The following PLCB1 variants were observed in gnomAD, a reference collection of about 807,000 sequenced individuals.
PLCB1 encodes the protein phospholipase C beta 1, also known as 1-phosphatidylinositol 4,5-bisphosphate phosphodiesterase beta-1.
PLCB1 carries 46 observed loss-of-function variants against 161.8 expected under a neutral mutation model. That is an observed-to-expected ratio of 0.28 (90% CI 0.22 to 0.36). PLCB1 has a LOEUF of 0.36. Among genes scored for constraint, PLCB1 ranks in the 10% least tolerant of loss-of-function variants. The pLI, the probability that PLCB1 is intolerant of heterozygous loss-of-function variation, is 1.00. For missense variants in PLCB1, 1,016 were observed against 1,472.5 expected, an observed-to-expected ratio of 0.69 and a Z score of 5.07; for synonymous variants, 517 against 503.7, an observed-to-expected ratio of 1.03 and a Z score of -0.35.
At chr20:8,186,248 T>A (rs1338995710) in intron 2 of PLCB1, among the ~76,000 whole-genome samples, 1 of 152,210 alleles carries the variant, frequency 6.6e-6, no homozygotes, top group Admixed American at 6.5e-5. Context: ...CTCAGGGAAG[T>A]GTTTTACATC....
Position 8,884,527 on chromosome 20 carries a change from A to T in PLCB1, c.*2678A>T, listed in dbSNP as rs910070594. 1.3e-5 allele frequency: 2 copies of T among 152,552 alleles called. No individual in the cohort carries two copies. Among genetic ancestry groups the T allele is most frequent in the African/African-American group, 2.4e-5 (1 of 41,422 alleles). 9.4% of individuals were successfully genotyped at this position (152,552 alleles called of 1,614,324 possible). A position where few individuals can be genotyped will look rare whatever the true frequency, so the allele number is the denominator to read the frequency against. On this transcript the variant is annotated 3_prime_UTR_variant, in exon 32 of 32. Coordinates refer to ENST00000338037, the MANE Select transcript of PLCB1 (RefSeq NM_015192.4). ...TTTTGGTTTTTTATATTTCATTTTA[A>T]AATTTGAGTATCACCATACATTAAT...
intron 1 of PLCB1, among the ~76,000 whole-genome samples, chr20:8,133,513 C>T (rs1368475495): frequency 6.6e-6 from 1 of 152,156 alleles, no homozygotes; most frequent in African/African-American, 2.4e-5. Context: ...CACCGTTTGC[C>T]AGGTAGGGCA....
intron 2 of PLCB1, among the ~76,000 whole-genome samples, chr20:8,214,399 T>A (rs898586387): frequency 2.0e-5 from 3 of 152,110 alleles, no homozygotes; most frequent in African/African-American, 7.2e-5. Context: ...TGGCTCTTTC[T>A]CTTTTGCTCC....
rs186900927 is a variant in PLCB1 at position 8,721,646 on chromosome 20, G to A, written c.1514-708G>A. ...TTTAAGGACTTACCCATGTTATCCT[G>A]CCCTCTTAAAAATAATATCAGCATT... On this transcript the variant is annotated intron_variant, in intron 14 of 31. Coordinates refer to ENST00000338037, the MANE Select transcript of PLCB1 (RefSeq NM_015192.4). 3.3e-5 allele frequency among the ~76,000 whole-genome samples: 5 copies of A among 152,272 alleles called. No homozygotes were observed. The East Asian group carries it at 9.7e-4, about 29-fold the overall frequency.
chr20:8,230,753 G>A (rs1031827774), intron 2 of PLCB1, among the ~76,000 whole-genome samples: 1 of 152,062 alleles, frequency 6.6e-6, no homozygotes, highest in African/African-American at 2.4e-5. Context: ...GCATGTGGCT[G>A]GTAGCTACTG....
At chr20:8,230,056 C>CAAAAAAAAAAAA (rs547874616) in intron 2 of PLCB1, among the ~76,000 whole-genome samples, 14 of 58,876 alleles carry the variant, frequency 2.4e-4, no homozygotes, top group African/African-American at 4.8e-4. Flanking sequence ...GACTTGGCAG[C>CAAAAAAAAAAAA]AAAAAAAAAA....
chr20:8,798,621 A>C (rs2146235396), intron 31 of PLCB1, among the ~76,000 whole-genome samples: 1 of 152,276 alleles, frequency 6.6e-6, no homozygotes, highest in Admixed American at 6.5e-5. Flanking sequence ...CAGACAATTA[A>C]AGGAAGACCC....
chr20:8,766,288 A>G (rs1042140623), intron 26 of PLCB1, among the ~76,000 whole-genome samples: 1 of 152,214 alleles, frequency 6.6e-6, no homozygotes, highest in Non-Finnish European at 1.5e-5. Context: ...AGGACTATCA[A>G]GGAAAGAAAG....
At chr20:8,578,417 T>C (rs1212810038) in intron 3 of PLCB1, among the ~76,000 whole-genome samples, 1 of 152,140 alleles carries the variant, frequency 6.6e-6, no homozygotes, top group Non-Finnish European at 1.5e-5. Context: ...AATGAATTAA[T>C]AAAAAGTAAC....
intron 9 of PLCB1, among the ~76,000 whole-genome samples, chr20:8,670,053 T>G (rs893070031): frequency 6.6e-6 from 1 of 152,168 alleles, no homozygotes; most frequent in African/African-American, 2.4e-5. Flanking sequence ...GCAATGGAAT[T>G]GGTTTCCTAC....
intron 2 of PLCB1, among the ~76,000 whole-genome samples, chr20:8,207,471 G>A: frequency 6.6e-6 from 1 of 152,098 alleles, no homozygotes; most frequent in East Asian, 1.9e-4. Context: ...GGACCCAGGT[G>A]GGTACTTACC....
intron 1 of PLCB1, among the ~76,000 whole-genome samples, chr20:8,144,503 T>C (rs1456978611): frequency 2.6e-5 from 4 of 152,224 alleles, no homozygotes; most frequent in Non-Finnish European, 1.5e-5. Flanking sequence ...TCATCTCTTC[T>C]GCTTTTCTTT....
At position 8,741,542 on chromosome 20, in the gene PLCB1, C is replaced by G; in HGVS notation, c.2492C>G (p.Thr831Arg). The change falls in exon 23 of 32, where the codon ACA becomes AGA. Residue 831 changes from threonine (T) to arginine (R), a missense_variant. Transcript: ENST00000338037. ...AGAGCTAAGCAATTGGCTGCTTTGA[C>G]ACTGGAAGATGAAGAAGAAGTAAAG... is the stretch of plus-strand genomic sequence containing the variant. ...EQRAKQLAAL[T>R]LEDEEEVKKE... 6.2e-7 allele frequency: 1 copy of G among 1,613,048 alleles called. No individual in the cohort carries two copies. Among genetic ancestry groups the G allele is most frequent in the East Asian group, 2.2e-5 (1 of 44,840 alleles).
intron 2 of PLCB1, among the ~76,000 whole-genome samples, chr20:8,366,302 C>A (rs1226997987): frequency 1.3e-5 from 2 of 151,912 alleles, no homozygotes; most frequent in African/African-American, 4.8e-5. Flanking sequence ...TGAGTGAAGA[C>A]CCTAAAATTA....
chr20:8,402,776 C>T (rs780710192), intron 3 of PLCB1, among the ~76,000 whole-genome samples: 4 of 151,596 alleles, frequency 2.6e-5, no homozygotes, highest in Admixed American at 6.6e-5. Context: ...ACCTGGGAGG[C>T]GGAGCTTGCA....
At chr20:8,645,955 C>CA (rs1989157343) in intron 4 of PLCB1, 147 bp from the exon 5 acceptor site, 2 of 545,228 alleles carry the variant, frequency 3.7e-6, no homozygotes. Context: ...CATTTTTACC[C>CA]AAAAAAGGGA....
chr20:8,753,878 G>C (rs902490216), intron 23 of PLCB1, among the ~76,000 whole-genome samples: 1 of 152,108 alleles, frequency 6.6e-6, no homozygotes, highest in African/African-American at 2.4e-5. Flanking sequence ...ACCTCACTTT[G>C]CCCTATTGCA....
chr20:8,332,437 T>G (rs898229830), intron 2 of PLCB1, among the ~76,000 whole-genome samples: 1 of 152,244 alleles, frequency 6.6e-6, no homozygotes, highest in Non-Finnish European at 1.5e-5. Flanking sequence ...TCTGTAAATG[T>G]ATAGATTAAG....
At position 8,716,249 on chromosome 20, in the gene PLCB1, C is replaced by T; in HGVS notation, c.1251-15C>T. 6.2e-7 allele frequency: 1 copy of T among 1,607,644 alleles called. No homozygotes were observed. The highest frequency in any genetic ancestry group is 8.5e-7 in the Non-Finnish European group (1 of 1,174,144). On this transcript the variant is annotated splice_polypyrimidine_tract_variant and intron_variant, in intron 12 of 31. Coordinates refer to ENST00000338037, the MANE Select transcript of PLCB1 (RefSeq NM_015192.4). The stretch of plus-strand genomic sequence containing the variant: ...GCCTCCCTACTTTCCTTCTTCTGTT[C>T]TTGTTCTCCCTTAGCCCAAAGCAGC...
Sources: gnomAD v4.1 joint callset for allele counts (sites outside exome capture counted in the v4.1 genomes callset) on GRCh38, gnomAD v4.1.1 for gene constraint, MANE v1.5 for transcripts, NCBI Gene and HGNC (gene_info 2026-07-23, HGNC 2026-07-21) for gene names.